Variants in HS6ST2 observed in about 807,000 individuals in gnomAD.
HS6ST2 encodes the protein heparan sulfate 6-O-sulfotransferase 2, also known as heparan-sulfate 6-O-sulfotransferase 2.
Under a neutral mutation model 33.0 loss-of-function variants are expected in HS6ST2, and 17 were observed. The ratio of observed to expected loss-of-function variants is 0.52; its 90% CI spans 0.35 to 0.77. The LOEUF (loss-of-function observed/expected upper bound fraction) is 0.77, where lower values mean the gene tolerates loss of function less well. HS6ST2 is among the 30% of genes least tolerant of loss of function. The pLI is 0.01. For missense variants in HS6ST2, 519 were observed against 551.7 expected, an observed-to-expected ratio of 0.94 and a Z score of 0.59; for synonymous variants, 248 against 237.1, an observed-to-expected ratio of 1.05 and a Z score of -0.42.
chrX:132,721,918 G>A (rs1018484640), intron 2 of HS6ST2, among the ~76,000 whole-genome samples: 1 of 111,244 alleles, frequency 9.0e-6, no homozygotes, highest in African/African-American at 3.3e-5. Flanking sequence ...GCCGGGCGCG[G>A]TGGCTCACGC....
intron 2 of HS6ST2, among the ~76,000 whole-genome samples, chrX:132,926,419 G>T (rs1313065136): frequency 9.0e-6 from 1 of 111,515 alleles, no homozygotes; most frequent in African/African-American, 3.3e-5. Context: ...TCACCATTCT[G>T]CATGGCCTTC....
chrX:132,885,857 G>A (rs1365234001), intron 2 of HS6ST2, among the ~76,000 whole-genome samples: 6 of 111,673 alleles, frequency 5.4e-5, no homozygotes, highest in African/African-American at 1.6e-4. Context: ...GGCTACACAC[G>A]ATGTGGGAGA....
chrX:132,793,048 CTTTTT>C (rs755535720), intron 2 of HS6ST2, among the ~76,000 whole-genome samples: 8 of 53,227 alleles, frequency 1.5e-4, no homozygotes, highest in African/African-American at 8.4e-4. Context: ...AAATAAACTC[CTTTTT>C]TTTTTTTTTT....
intron 2 of HS6ST2, among the ~76,000 whole-genome samples, chrX:132,727,061 C>T (rs779749062): frequency 1.8e-5 from 2 of 110,277 alleles, no homozygotes; most frequent in African/African-American, 3.3e-5. Flanking sequence ...AGTAATGAAA[C>T]GCTAATCAAA....
At chrX:132,959,011 A>G (rs1322861592), upstream of HS6ST2, 1 of 140,362 alleles carries the variant, frequency 7.1e-6, no homozygotes, top group African/African-American at 3.1e-5. Flanking sequence ...GGCTTGACTC[A>G]TAAAAGGTTT....
At position 132,900,382 on chromosome X, in the gene HS6ST2, T is replaced by C. The variant is rs1399047191; in HGVS notation, c.947+56426A>G. On this transcript the variant is annotated intron_variant, in intron 2 of 4. Coordinates refer to ENST00000370833, the MANE Select transcript of HS6ST2 (RefSeq NM_001394073.1). Reference sequence around the variant, plus strand: ...ATGTGCATAAATATTAAATATTGGTTTCTCATTTGTAAAATCTCTTTAAAA... The same window carrying C: ...ATGTGCATAAATATTAAATATTGGTCTCTCATTTGTAAAATCTCTTTAAAA... Among the ~76,000 whole-genome samples the C allele has an allele frequency of 2.7e-5, 3 of 111,546 alleles. No homozygotes were observed. The South Asian group carries it at 1.1e-3, about 42-fold the overall frequency.
chrX:132,818,270 T>C (rs1383342133), intron 2 of HS6ST2, among the ~76,000 whole-genome samples: 2 of 111,146 alleles, frequency 1.8e-5, no homozygotes, highest in Non-Finnish European at 3.8e-5. Flanking sequence ...AAGAGCTCTA[T>C]GTTCTAAGCT....
chrX:132,803,703 C>CA (rs750736263), intron 2 of HS6ST2, among the ~76,000 whole-genome samples: 6 of 112,145 alleles, frequency 5.4e-5, no homozygotes, highest in Non-Finnish European at 9.4e-5. Flanking sequence ...GCCACAGTGC[C>CA]AGGTCCTCAG....
chrX:132,775,743 C>T (rs1160890698), intron 2 of HS6ST2, among the ~76,000 whole-genome samples: 1 of 111,401 alleles, frequency 9.0e-6, no homozygotes, highest in Non-Finnish European at 1.9e-5. Context: ...ATGCCATTTT[C>T]TACCTTAATT....
At chrX:132,638,690 T>C (rs150173542) in intron 4 of HS6ST2, among the ~76,000 whole-genome samples, 5 of 112,198 alleles carry the variant, frequency 4.5e-5, no homozygotes, top group African/African-American at 1.6e-4. Context: ...GGCTGCTGAC[T>C]TAGCCAGACT....
chrX:132,918,634 C>G (rs912493571), intron 2 of HS6ST2, among the ~76,000 whole-genome samples: 22 of 111,607 alleles, frequency 2.0e-4, no homozygotes, highest in African/African-American at 6.5e-4. Flanking sequence ...GGAATGTGAT[C>G]AGGTGGGACA....
chrX:132,793,875 G>A (rs906226002), intron 2 of HS6ST2, among the ~76,000 whole-genome samples: 6 of 112,030 alleles, frequency 5.4e-5, no homozygotes, highest in African/African-American at 9.7e-5. Context: ...TTATAATCCC[G>A]AAACTGTGTT....
chrX:132,694,263 C>T (rs1313075583), intron 3 of HS6ST2, among the ~76,000 whole-genome samples: 2 of 111,775 alleles, frequency 1.8e-5, no homozygotes, highest in Non-Finnish European at 3.8e-5. Context: ...TCCTGCTGGC[C>T]AAGACCAGTG....
At chrX:132,677,149 C>T (rs1234303052) in intron 3 of HS6ST2, among the ~76,000 whole-genome samples, 1 of 112,141 alleles carries the variant, frequency 8.9e-6, no homozygotes, top group African/African-American at 3.2e-5. Context: ...AGGGAGTCCC[C>T]AGAGTAGGCC....
At chrX:132,654,070 C>A (rs185603054) in intron 4 of HS6ST2, among the ~76,000 whole-genome samples, 4 of 111,093 alleles carry the variant, frequency 3.6e-5, no homozygotes, top group African/African-American at 1.3e-4. Flanking sequence ...GTGCCTATGG[C>A]TAACAATACT....
At chrX:132,647,650 T>G (rs1000988174) in intron 4 of HS6ST2, among the ~76,000 whole-genome samples, 6 of 112,372 alleles carry the variant, frequency 5.3e-5, no homozygotes. Flanking sequence ...CTTGCTCCTC[T>G]AGCATCTGTG....
intron 2 of HS6ST2, among the ~76,000 whole-genome samples, chrX:132,741,879 C>G (rs1031328077): frequency 4.5e-5 from 5 of 111,599 alleles, no homozygotes; most frequent in African/African-American, 1.6e-4. Flanking sequence ...CATGAGTCAT[C>G]CCTCCTCTCT....
chrX:132,729,135 T>C (rs1412367878), intron 2 of HS6ST2, among the ~76,000 whole-genome samples: 1 of 112,436 alleles, frequency 8.9e-6, no homozygotes, highest in East Asian at 2.8e-4. Context: ...GCCCAAGAGT[T>C]TGCATCCTTA....
At chrX:132,848,870 T>G (rs1239710253) in intron 2 of HS6ST2, among the ~76,000 whole-genome samples, 1 of 111,689 alleles carries the variant, frequency 9.0e-6, no homozygotes. Flanking sequence ...TACAGAGTCC[T>G]TGATCTTTCC....
Sources: gnomAD v4.1 joint callset for allele counts (sites outside exome capture counted in the v4.1 genomes callset) on GRCh38, gnomAD v4.1.1 for gene constraint, MANE v1.5 for transcripts, NCBI Gene and HGNC (gene_info 2026-07-23, HGNC 2026-07-21) for gene names.